The following HDAC9 variants were observed in gnomAD, a reference collection of about 807,000 sequenced individuals.
The protein encoded by HDAC9 is MEF-2 interacting transcription repressor (MITR) protein.
Under a neutral mutation model 139.4 loss-of-function variants are expected in HDAC9, and 41 were observed. The ratio of observed to expected loss-of-function variants is 0.29; its 90% CI spans 0.23 to 0.38. The LOEUF (loss-of-function observed/expected upper bound fraction) is 0.38. HDAC9 is among the 10% of genes least tolerant of loss of function. HDAC9 has a pLI of 1.00. For missense variants in HDAC9, 1,147 were observed against 1,297.0 expected (o/e 0.88, Z 1.78); for synonymous variants, 517 against 476.2 (o/e 1.09, Z -1.12).
At chr7:18,339,088 T>G (rs901066715) in intron 1 of HDAC9, among the ~76,000 whole-genome samples, 1 of 151,550 alleles carries the variant, frequency 6.6e-6, no homozygotes, top group African/African-American at 2.4e-5. Flanking sequence ...TGAGTATATG[T>G]AGAATCTGTA....
intron 1 of HDAC9, among the ~76,000 whole-genome samples, chr7:18,115,968 A>G (rs1783950134): frequency 6.6e-6 from 1 of 152,228 alleles, no homozygotes; most frequent in Non-Finnish European, 1.5e-5. Flanking sequence ...ACTTAGTTAC[A>G]CGTTGAATTG....
At chr7:18,329,600 G>A (rs1473106570) in intron 1 of HDAC9, among the ~76,000 whole-genome samples, 1 of 150,644 alleles carries the variant, frequency 6.6e-6, no homozygotes, top group Non-Finnish European at 1.5e-5. Context: ...ATAATTCAAT[G>A]TTTGATGATA....
intron 22 of HDAC9, among the ~76,000 whole-genome samples, chr7:18,887,550 TAAATA>T (rs1800272187): frequency 1.3e-5 from 2 of 152,164 alleles, no homozygotes; most frequent in Non-Finnish European, 1.5e-5. Flanking sequence ...GTAATGGACC[TAAATA>T]AAATGCTTTG....
chr7:18,272,314 C>G (rs1425107239), intron 2 of HDAC9, among the ~76,000 whole-genome samples: 1 of 152,154 alleles, frequency 6.6e-6, no homozygotes, highest in Non-Finnish European at 1.5e-5. Context: ...ATAATTAACT[C>G]TTTCTTGACG....
intron 2 of HDAC9, among the ~76,000 whole-genome samples, chr7:18,567,955 C>T (rs1440338465): frequency 6.7e-6 from 1 of 148,882 alleles, no homozygotes; most frequent in Non-Finnish European, 1.5e-5. Context: ...TTTGCAAAAC[C>T]CATTCCAATG....
At chr7:18,336,520 G>A (rs1349426511) in intron 1 of HDAC9, among the ~76,000 whole-genome samples, 1 of 151,592 alleles carries the variant, frequency 6.6e-6, no homozygotes, top group Non-Finnish European at 1.5e-5. Context: ...ATGAATATAT[G>A]TAAAATTGTC....
intron 17 of HDAC9, among the ~76,000 whole-genome samples, chr7:18,826,853 C>G (rs1043862974): frequency 6.7e-6 from 1 of 150,284 alleles, no homozygotes; most frequent in Non-Finnish European, 1.5e-5. Flanking sequence ...TTTGTAAACA[C>G]AACTTTTCTG....
intron 2 of HDAC9, among the ~76,000 whole-genome samples, chr7:18,549,478 A>G (rs1200421933): frequency 5.3e-5 from 8 of 152,224 alleles, no homozygotes; most frequent in Non-Finnish European, 4.4e-5. Flanking sequence ...TGCAATAAAA[A>G]TGAATGTACT....
chr7:18,547,409 G>A (rs1815298945), intron 2 of HDAC9, among the ~76,000 whole-genome samples: 1 of 152,252 alleles, frequency 6.6e-6, no homozygotes, highest in Non-Finnish European at 1.5e-5. Context: ...CTAATCTTTT[G>A]TATTTTTAGT....
At chr7:18,594,734 T>C (rs1831987059) in intron 6 of HDAC9, among the ~76,000 whole-genome samples, 1 of 152,118 alleles carries the variant, frequency 6.6e-6, no homozygotes, top group Non-Finnish European at 1.5e-5. Flanking sequence ...TTTACTGCTA[T>C]AATAAATGTT....
At chr7:18,510,341 T>G (rs1801116334) in intron 2 of HDAC9, among the ~76,000 whole-genome samples, 1 of 152,198 alleles carries the variant, frequency 6.6e-6, no homozygotes. Context: ...AAATAGCTAA[T>G]TTAAGACTGC....
intron 22 of HDAC9, among the ~76,000 whole-genome samples, chr7:18,913,425 C>T (rs191110495): frequency 2.0e-4 from 31 of 152,174 alleles, no homozygotes; most frequent in African/African-American, 7.0e-4. Context: ...ACTTGACATA[C>T]GTGGTACCTC....
At chr7:18,556,414 G>A (rs1375611990) in intron 2 of HDAC9, among the ~76,000 whole-genome samples, 1 of 152,072 alleles carries the variant, frequency 6.6e-6, no homozygotes, top group Non-Finnish European at 1.5e-5. Flanking sequence ...AAGAAATGTA[G>A]TAGGAAACAA....
chr7:18,278,903 A>G (rs1049341106), intron 2 of HDAC9, among the ~76,000 whole-genome samples: 1 of 152,208 alleles, frequency 6.6e-6, no homozygotes, highest in Non-Finnish European at 1.5e-5. Flanking sequence ...TTCTATAACA[A>G]GAGTTTTCTC....
chr7:18,520,158 A>G (rs1804569786), intron 2 of HDAC9, among the ~76,000 whole-genome samples: 1 of 152,168 alleles, frequency 6.6e-6, no homozygotes, highest in South Asian at 2.1e-4. Context: ...AATTAAAAGT[A>G]TTAATAAGTT....
chr7:18,836,415 A>G lies in HDAC9; in HGVS notation c.2684+418A>G, dbSNP rs549302633. On this transcript the variant is annotated intron_variant, in intron 21 of 25. Transcript: ENST00000686413. ...CCTTTTTTACATAGCACCATTTAGC[A>G]TTCCTAGTTCTGGGGAGCTCACTCA... Among the ~76,000 whole-genome samples the G allele has an allele frequency of 3.9e-5, 6 of 152,164 alleles. No homozygotes were observed. The East Asian group carries it at 1.2e-3, about 29-fold the overall frequency.
At chr7:18,638,619 G>A (rs1410101055) in intron 8 of HDAC9, among the ~76,000 whole-genome samples, 1 of 152,066 alleles carries the variant, frequency 6.6e-6, no homozygotes, top group African/African-American at 2.4e-5. Context: ...TGGAAGGCAG[G>A]TGGTAAATTG....
intron 22 of HDAC9, among the ~76,000 whole-genome samples, chr7:18,893,033 G>GGAAAA (rs1554395074): frequency 1.5e-5 from 1 of 66,890 alleles, no homozygotes; most frequent in Admixed American, 2.5e-4. Flanking sequence ...GTAATAGGCC[G>GGAAAA]AAAAAAAAAA....
At chr7:18,989,775 A>T (rs1459605428) in intron 25 of HDAC9, among the ~76,000 whole-genome samples, 1 of 80,524 alleles carries the variant, frequency 1.2e-5, no homozygotes, top group Non-Finnish European at 2.5e-5. Context: ...TTTTCTCTAA[A>T]CTTCCCTTCT....
Sources: allele counts gnomAD v4.1 joint callset (sites outside exome capture counted in the v4.1 genomes callset), GRCh38; gene constraint gnomAD v4.1.1; transcripts MANE v1.5; gene names NCBI Gene and HGNC (gene_info 2026-07-23, HGNC 2026-07-21).